EXOC6B: variants seen among roughly 807,000 people sequenced by gnomAD.
The protein encoded by EXOC6B is exocyst complex component 6B, also known as SEC15 homolog B.
A neutral mutation model predicts 113.5 loss-of-function variants in EXOC6B; 54 were observed. The ratio of observed to expected loss-of-function variants is 0.48; its 90% CI spans 0.38 to 0.60. EXOC6B has a LOEUF of 0.60. EXOC6B is among the 20% of genes least tolerant of loss of function. The pLI is 0.00. For synonymous variants in EXOC6B, 357 were observed against 339.0 expected, an observed-to-expected ratio of 1.05 and a Z score of -0.58; for missense variants, 797 against 977.5, an observed-to-expected ratio of 0.82 and a Z score of 2.46.
intron 6 of EXOC6B, among the ~76,000 whole-genome samples, chr2:72,597,038 C>T (rs1670116449): frequency 6.7e-6 from 1 of 149,654 alleles, no homozygotes; most frequent in Admixed American, 6.6e-5. Context: ...TTTCCATTAT[C>T]CCAAAAAGAA....
intron 20 of EXOC6B, among the ~76,000 whole-genome samples, chr2:72,306,319 G>GC (rs1340850737): frequency 4.6e-5 from 7 of 152,080 alleles, no homozygotes; most frequent in African/African-American, 1.7e-4. Flanking sequence ...CTCAAACTCT[G>GC]CAAGTGTTTT....
At chr2:72,817,269 A>C (rs528337723) in intron 1 of EXOC6B, among the ~76,000 whole-genome samples, 14 of 152,360 alleles carry the variant, frequency 9.2e-5, no homozygotes, top group African/African-American at 2.6e-4. Context: ...CTTTTTAAAA[A>C]TTATTTTAGA....
intron 6 of EXOC6B, among the ~76,000 whole-genome samples, chr2:72,715,837 A>G (rs1182710686): frequency 1.3e-5 from 2 of 152,154 alleles, no homozygotes; most frequent in Non-Finnish European, 1.5e-5. Context: ...AATCTTATGG[A>G]GAGGGTTGAG....
chr2:72,190,719 GCTTTGTTTTGTCATGTAATGGTGTATC>G (rs1307420532), intron 20 of EXOC6B, among the ~76,000 whole-genome samples: 1 of 152,062 alleles, frequency 6.6e-6, no homozygotes, highest in Non-Finnish European at 1.5e-5. Flanking sequence ...ACTCTTTTAT[GCTTTGTTTTGTCATGTAATGGTGTATC>G]CTAGAACTCA....
chr2:72,591,942 T>C (rs551584343), intron 6 of EXOC6B, among the ~76,000 whole-genome samples: 9 of 152,098 alleles, frequency 5.9e-5, no homozygotes, highest in Non-Finnish European at 1.2e-4. Context: ...GCTCAATTAA[T>C]TTTTAAAAAC....
intron 18 of EXOC6B, among the ~76,000 whole-genome samples, chr2:72,419,244 A>G (rs623095): frequency 0.14 from 20,618 of 152,250 alleles, 1,716 homozygotes; most frequent in African/African-American, 0.24. Flanking sequence ...TTACAAACCA[A>G]AGTTATAATA....
intron 11 of EXOC6B, among the ~76,000 whole-genome samples, chr2:72,510,116 G>A (rs1019774305): frequency 2.0e-5 from 3 of 152,102 alleles, no homozygotes; most frequent in Non-Finnish European, 4.4e-5. Context: ...TTACAGGAGT[G>A]AGCCAACATG....
At chr2:72,195,547 G>T (rs1336517297) in intron 20 of EXOC6B, among the ~76,000 whole-genome samples, 1 of 152,096 alleles carries the variant, frequency 6.6e-6, no homozygotes, top group East Asian at 1.9e-4. Flanking sequence ...ACTTGTTAAA[G>T]GTTCCTAGGT....
intron 1 of EXOC6B, among the ~76,000 whole-genome samples, chr2:72,789,111 T>A (rs1351601153): frequency 6.6e-6 from 1 of 152,204 alleles, no homozygotes; most frequent in Non-Finnish European, 1.5e-5. Flanking sequence ...ATCTTGCAAT[T>A]TTCCACTGGG....
intron 6 of EXOC6B, among the ~76,000 whole-genome samples, chr2:72,602,619 A>G (rs1265749978): frequency 6.6e-6 from 1 of 152,170 alleles, no homozygotes; most frequent in Admixed American, 6.5e-5. Context: ...CCTACTAACA[A>G]TTTGTGAGTT....
chr2:72,784,763 G>A (rs906611117), intron 1 of EXOC6B, among the ~76,000 whole-genome samples: 1 of 152,138 alleles, frequency 6.6e-6, no homozygotes. Flanking sequence ...GTTGAGATTT[G>A]GGTGGGGACA....
chr2:72,541,356 G>GA (rs1174826546), intron 8 of EXOC6B, among the ~76,000 whole-genome samples: 2 of 152,078 alleles, frequency 1.3e-5, no homozygotes, highest in Non-Finnish European at 2.9e-5. Context: ...CAGAATATGT[G>GA]AAAAACATTC....
chr2:72,448,225 T>C (rs1232761933), intron 18 of EXOC6B, among the ~76,000 whole-genome samples: 1 of 152,160 alleles, frequency 6.6e-6, no homozygotes, highest in Admixed American at 6.5e-5. Flanking sequence ...CTGCCTAGTG[T>C]TTTTTCCTTT....
chr2:72,478,129 G>A (rs780419629), intron 17 of EXOC6B, among the ~76,000 whole-genome samples: 22 of 152,156 alleles, frequency 1.4e-4, no homozygotes, highest in South Asian at 1.2e-3. Flanking sequence ...TAAGTCCAGG[G>A]ACAAAGTACT....
rs1484836920 is a variant in EXOC6B at position 72,575,476 on chromosome 2, A to T, written c.846+16T>A. 6.3e-7 allele frequency: 1 copy of T among 1,595,646 alleles called. No homozygotes were observed. The highest frequency in any genetic ancestry group is 8.5e-7 in the Non-Finnish European group (1 of 1,173,714). On this transcript the variant is annotated intron_variant, in intron 7 of 21. Coordinates refer to ENST00000272427, the MANE Select transcript of EXOC6B (RefSeq NM_015189.3). ...CTTAAAAATAGTCTCACTTCCCAAC[A>T]TCAAATGTTACTTACCTCTTCATCA...
rs1306148877 is a variant in EXOC6B at position 72,779,487 on chromosome 2, T to G, written c.114-38018A>C. On this transcript the variant is annotated intron_variant, in intron 1 of 21. Transcript: ENST00000272427. ...TGTAAAAAAAATTATCAAGCAAATA[T>G]GCTAAAATAATAAGTTTATGAATAG... Among the ~76,000 whole-genome samples the G allele has an allele frequency of 2.6e-5, 4 of 152,178 alleles. No individual in the cohort carries two copies. The East Asian group carries it at 7.7e-4, about 29-fold the overall frequency.
intron 20 of EXOC6B, among the ~76,000 whole-genome samples, chr2:72,212,995 G>T (rs143313345): frequency 7.0e-6 from 1 of 142,956 alleles, no homozygotes; most frequent in East Asian, 1.9e-4. Flanking sequence ...TTTAGGACTT[G>T]ATTTCCTCAA....
intron 6 of EXOC6B, among the ~76,000 whole-genome samples, chr2:72,716,318 C>T (rs1679613415): frequency 1.3e-5 from 2 of 152,144 alleles, no homozygotes; most frequent in South Asian, 4.1e-4. Context: ...GGGCTTGAGG[C>T]AGTGAGAAAT....
intron 6 of EXOC6B, among the ~76,000 whole-genome samples, chr2:72,659,023 A>G (rs1674813992): frequency 6.6e-6 from 1 of 152,066 alleles, no homozygotes; most frequent in Admixed American, 6.6e-5. Flanking sequence ...CATCATTTTC[A>G]TTACCATATT....
Sources: allele counts gnomAD v4.1 joint callset (sites outside exome capture counted in the v4.1 genomes callset), GRCh38; gene constraint gnomAD v4.1.1; transcripts MANE v1.5; gene names NCBI Gene and HGNC (gene_info 2026-07-23, HGNC 2026-07-21).